The following GRM5 variants were observed in gnomAD, a reference collection of about 807,000 sequenced individuals.
GRM5 encodes glutamate metabotropic receptor 5, also known as metabotropic glutamate receptor 5.
GRM5 carries 19 observed loss-of-function variants against 83.1 expected under a neutral mutation model. The observed-to-expected ratio is 0.23, with a 90% CI of 0.16 to 0.34. The LOEUF (loss-of-function observed/expected upper bound fraction) is 0.34, where lower values mean the gene tolerates loss of function less well. GRM5 is among the 10% of genes least tolerant of loss of function. GRM5 has a pLI of 1.00. For missense variants in GRM5, 1,160 were observed against 1,588.3 expected, an observed-to-expected ratio of 0.73 and a Z score of 4.58; for synonymous variants, 675 against 633.6, an observed-to-expected ratio of 1.07 and a Z score of -0.98.
At chr11:88,985,243 A>G (rs1288056398) in intron 2 of GRM5, among the ~76,000 whole-genome samples, 4 of 152,140 alleles carry the variant, frequency 2.6e-5, no homozygotes, top group Non-Finnish European at 4.4e-5. Context: ...TCCTACATAT[A>G]TAACCAATTT....
At chr11:88,881,341 C>T (rs1252052588) in intron 2 of GRM5, among the ~76,000 whole-genome samples, 2 of 150,580 alleles carry the variant, frequency 1.3e-5, no homozygotes, top group East Asian at 3.9e-4. Flanking sequence ...AAAAAACTGT[C>T]ACCTTGATTT....
At position 89,036,831 on chromosome 11, in the gene GRM5, G is replaced by A. The variant is rs540698704; in HGVS notation, c.661+10381C>T. Among the ~76,000 whole-genome samples, 115 of 152,184 alleles carry A rather than the reference G, an allele frequency of 7.6e-4. 1 individual carries two copies. Among genetic ancestry groups the A allele is most frequent in the Middle Eastern group, 3.4e-3 (1 of 294 alleles). ...AACTGTGAATTTAAGTTATTGCACT[G>A]TAGGTTACTTATTTCATTAAACTAC... On this transcript the variant is annotated intron_variant, in intron 2 of 9. Coordinates refer to ENST00000305447, the MANE Select transcript of GRM5 (RefSeq NM_001143831.3).
chr11:88,851,087 G>A (rs1466629096), intron 2 of GRM5, among the ~76,000 whole-genome samples: 2 of 152,124 alleles, frequency 1.3e-5, no homozygotes, highest in African/African-American at 4.8e-5. Flanking sequence ...AGATCTAATA[G>A]CATAGGTTCT....
At chr11:88,658,724 T>C (rs1939830513) in intron 3 of GRM5, among the ~76,000 whole-genome samples, 2 of 152,182 alleles carry the variant, frequency 1.3e-5, no homozygotes, top group Admixed American at 1.3e-4. Context: ...GATACCAGCA[T>C]TTTGAAATAT....
intron 2 of GRM5, among the ~76,000 whole-genome samples, chr11:88,962,753 G>T (rs1182916072): frequency 6.6e-6 from 1 of 152,030 alleles, no homozygotes; most frequent in Non-Finnish European, 1.5e-5. Context: ...ATAATGTGAG[G>T]CAAAGGAGAA....
chr11:88,833,672 G>A (rs1380300294), intron 3 of GRM5, among the ~76,000 whole-genome samples: 1 of 152,154 alleles, frequency 6.6e-6, no homozygotes, highest in Non-Finnish European at 1.5e-5. Context: ...GCACCTCCAT[G>A]TTTATTACAG....
At chr11:88,662,612 A>G (rs986144415) in intron 3 of GRM5, among the ~76,000 whole-genome samples, 1 of 152,146 alleles carries the variant, frequency 6.6e-6, no homozygotes, top group Non-Finnish European at 1.5e-5. Context: ...CCCTCTATAA[A>G]TCTGATCTAA....
intron 3 of GRM5, among the ~76,000 whole-genome samples, chr11:88,760,317 G>C (rs1942485163): frequency 8.4e-6 from 1 of 118,760 alleles, no homozygotes; most frequent in Admixed American, 8.9e-5. Flanking sequence ...AAAATAGACT[G>C]CTAGCTAGAC....
chr11:88,977,965 C>A (rs1175375496), intron 2 of GRM5, among the ~76,000 whole-genome samples: 1 of 152,174 alleles, frequency 6.6e-6, no homozygotes, highest in Non-Finnish European at 1.5e-5. Context: ...TGTTTTATTA[C>A]CCTTTCATTC....
chr11:88,994,445 T>TTATATATATATATA, intron 2 of GRM5, among the ~76,000 whole-genome samples: 1 of 86,888 alleles, frequency 1.2e-5, no homozygotes, highest in East Asian at 3.4e-4. Flanking sequence ...CTTTAACTGA[T>TTATATATATATATA]TATATATATA....
chr11:88,745,661 A>G (rs1942122102), intron 3 of GRM5, among the ~76,000 whole-genome samples: 1 of 152,202 alleles, frequency 6.6e-6, no homozygotes, highest in Non-Finnish European at 1.5e-5. Flanking sequence ...TGTCTCCAAA[A>G]AGATGGAAAA....
Position 89,047,047 on chromosome 11 carries a change from T to C in GRM5, c.661+165A>G, listed in dbSNP as rs1338040447. Among the ~76,000 whole-genome samples the C allele has an allele frequency of 6.6e-6, 1 of 152,228 alleles. No homozygotes were observed. Among genetic ancestry groups the C allele is most frequent in the East Asian group, 1.9e-4 (1 of 5,196 alleles). ...TACACCCTTCTGTAGTTTAAGTCTTTGTCTCTCTAGATATATGCCATCCAG... is the reference window on the plus strand; with the variant it reads ...TACACCCTTCTGTAGTTTAAGTCTTCGTCTCTCTAGATATATGCCATCCAG... On this transcript the variant is annotated intron_variant, in intron 2 of 9. Transcript: ENST00000305447. This position sits in a 1 kb window ranked among gnomAD's most constrained non-coding sequence, Gnocchi z 5.1.
chr11:88,641,398 G>A (rs140883665), intron 4 of GRM5, among the ~76,000 whole-genome samples: 2 of 151,182 alleles, frequency 1.3e-5, no homozygotes, highest in Non-Finnish European at 2.9e-5. Flanking sequence ...ATATTATGCT[G>A]CCCCTGGCCC....
rs74759799 is a variant in GRM5 at position 88,652,960 on chromosome 11, A to G, written c.1147+208T>C. Among the ~76,000 whole-genome samples, 514 of 152,188 alleles carry G rather than the reference A, an allele frequency of 3.4e-3. 2 individuals carry two copies. The highest frequency in any genetic ancestry group is 5.4e-3 in the Non-Finnish European group (366 of 67,986). On this transcript the variant is annotated intron_variant, in intron 4 of 9. Transcript: ENST00000305447. ...TGAATGATACAAATAGAAATGATCT[A>G]ATCACATAAAATATCACTAAATACT...
intron 3 of GRM5, among the ~76,000 whole-genome samples, chr11:88,714,864 A>C (rs1941366550): frequency 6.6e-6 from 1 of 152,024 alleles, no homozygotes. Context: ...CTAGCACTGC[A>C]TGAAAAATCA....
intron 2 of GRM5, among the ~76,000 whole-genome samples, chr11:88,878,056 C>G (rs1274036073): frequency 1.9e-4 from 29 of 151,946 alleles, no homozygotes; most frequent in Admixed American, 1.9e-3. Flanking sequence ...TACCATATGA[C>G]TCAGCAATCT....
At chr11:88,629,248 C>T (rs1363519650) in intron 4 of GRM5, among the ~76,000 whole-genome samples, 2 of 152,178 alleles carry the variant, frequency 1.3e-5, no homozygotes, top group Non-Finnish European at 2.9e-5. Flanking sequence ...AATAACCAGA[C>T]CTTCTTTAGT....
At chr11:88,906,418 T>C (rs1252699240) in intron 2 of GRM5, among the ~76,000 whole-genome samples, 3 of 152,182 alleles carry the variant, frequency 2.0e-5, no homozygotes, top group Non-Finnish European at 4.4e-5. Flanking sequence ...TCTCACCAGA[T>C]GGCTTACTTA....
chr11:88,894,131 A>G (rs1277920089), intron 2 of GRM5, among the ~76,000 whole-genome samples: 3 of 151,976 alleles, frequency 2.0e-5, no homozygotes, highest in Non-Finnish European at 4.4e-5. Context: ...AGGAGCAGAC[A>G]AGATGGTGCT....
Sources: gnomAD v4.1 joint callset for allele counts (sites outside exome capture counted in the v4.1 genomes callset) on GRCh38, gnomAD v4.1.1 for gene constraint, Gnocchi (gnomAD v3.1) non-coding constraint, MANE v1.5 for transcripts, NCBI Gene and HGNC (gene_info 2026-07-23, HGNC 2026-07-21) for gene names.